Variants in RAD51B observed in about 807,000 individuals in gnomAD.
RAD51B encodes the protein RAD51 paralog B.
In RAD51B, 38 loss-of-function variants were observed where a neutral mutation model predicts 42.2. The observed-to-expected ratio is 0.90, with a 90% CI of 0.70 to 1.18. The LOEUF is 1.18. Among genes scored for constraint, RAD51B ranks in the 50% most tolerant of loss-of-function variants. The pLI, the probability that RAD51B is intolerant of heterozygous loss-of-function variation, is 0.00. For missense variants in RAD51B, 373 were observed against 400.7 expected, an observed-to-expected ratio of 0.93 and a Z score of 0.59; for synonymous variants, 154 against 145.2, an observed-to-expected ratio of 1.06 and a Z score of -0.43.
intron 7 of RAD51B, among the ~76,000 whole-genome samples, chr14:68,248,348 C>G (rs1218851176): frequency 6.6e-6 from 1 of 152,110 alleles, no homozygotes; most frequent in Non-Finnish European, 1.5e-5. Flanking sequence ...TTTTCTCCTT[C>G]ACATCCTAAA....
chr14:67,985,270 G>A (rs886118602), intron 7 of RAD51B, among the ~76,000 whole-genome samples: 1 of 152,132 alleles, frequency 6.6e-6, no homozygotes, highest in Non-Finnish European at 1.5e-5. Context: ...CCATTTGCTA[G>A]TAAATTGCAG....
At chr14:68,499,028 T>C (rs550227415) in intron 10 of RAD51B, among the ~76,000 whole-genome samples, 1 of 152,262 alleles carries the variant, frequency 6.6e-6, no homozygotes, top group South Asian at 2.1e-4. Context: ...AAAAGAGAGT[T>C]GTGCCCCCTT....
intron 8 of RAD51B, among the ~76,000 whole-genome samples, chr14:68,332,599 T>A (rs2082372266): frequency 6.6e-6 from 1 of 152,186 alleles, no homozygotes; most frequent in Non-Finnish European, 1.5e-5. Flanking sequence ...GGGAAGGAGC[T>A]TATAACTATG....
intron 7 of RAD51B, among the ~76,000 whole-genome samples, chr14:68,121,540 T>C (rs2077652264): frequency 6.6e-6 from 1 of 152,164 alleles, no homozygotes; most frequent in South Asian, 2.1e-4. Flanking sequence ...AACAGCTTGC[T>C]TTATAGGGAA....
At chr14:68,514,207 C>T (rs900666189) in intron 10 of RAD51B, among the ~76,000 whole-genome samples, 3 of 152,164 alleles carry the variant, frequency 2.0e-5, no homozygotes, top group African/African-American at 7.2e-5. Flanking sequence ...ATAACATGAT[C>T]CTTTTTTTCT....
At chr14:68,098,127 G>A (rs529753000) in intron 7 of RAD51B, among the ~76,000 whole-genome samples, 77 of 152,254 alleles carry the variant, frequency 5.1e-4, no homozygotes, top group Non-Finnish European at 8.1e-4. Flanking sequence ...TTATCTAGGG[G>A]CTTTCTCTTA....
intron 7 of RAD51B, among the ~76,000 whole-genome samples, chr14:67,953,667 GGAAAA>G (rs2074495454): frequency 6.6e-6 from 1 of 152,030 alleles, no homozygotes; most frequent in African/African-American, 2.4e-5. Flanking sequence ...CAGTGGAGAC[GGAAAA>G]GAAAAGTGAA....
At chr14:68,132,727 C>T (rs372856228) in intron 7 of RAD51B, among the ~76,000 whole-genome samples, 1 of 152,236 alleles carries the variant, frequency 6.6e-6, no homozygotes, top group South Asian at 2.1e-4. Context: ...TTCATCTCTG[C>T]TTCTCTCAGA....
intron 7 of RAD51B, among the ~76,000 whole-genome samples, chr14:68,101,609 A>T (rs555137656): frequency 4.6e-5 from 7 of 152,350 alleles, no homozygotes; most frequent in African/African-American, 1.7e-4. Flanking sequence ...GGTCACACTG[A>T]TGCAAGAGGT....
At position 68,483,769 on chromosome 14, in the gene RAD51B, C is replaced by T. The variant is rs188852984; in HGVS notation, c.1036+15519C>T. Among the ~76,000 whole-genome samples, 25 of 152,340 alleles carry T rather than the reference C, an allele frequency of 1.6e-4. 1 individual carries two copies. Among genetic ancestry groups the T allele is most frequent in the Non-Finnish European group, 2.6e-4 (18 of 68,034 alleles). Reference sequence around the variant, plus strand: ...TGGGCTGCCTCCATGTGTTTTCAGTCAAGTGCTGATGGCAGCCTTGCCTGG... The same window carrying T: ...TGGGCTGCCTCCATGTGTTTTCAGTTAAGTGCTGATGGCAGCCTTGCCTGG... On this transcript the variant is annotated intron_variant, in intron 10 of 10. Transcript: ENST00000487270.
intron 8 of RAD51B, among the ~76,000 whole-genome samples, chr14:68,395,807 T>A (rs1414193743): frequency 6.6e-6 from 1 of 152,240 alleles, no homozygotes; most frequent in East Asian, 1.9e-4. Context: ...GACCAGTGAC[T>A]AAGTGTGTGA....
At chr14:68,174,853 C>A (rs1186555800) in intron 7 of RAD51B, among the ~76,000 whole-genome samples, 1 of 152,176 alleles carries the variant, frequency 6.6e-6, no homozygotes, top group African/African-American at 2.4e-5. Context: ...AAGGACTGAA[C>A]TGCATTACAT....
At chr14:68,119,106 C>G (rs1360166789) in intron 7 of RAD51B, among the ~76,000 whole-genome samples, 1 of 151,668 alleles carries the variant, frequency 6.6e-6, no homozygotes, top group Non-Finnish European at 1.5e-5. Flanking sequence ...GTGCCACTCA[C>G]TAATTTTTCT....
chr14:67,889,046 A>G (rs2043143938), intron 7 of RAD51B, among the ~76,000 whole-genome samples: 1 of 152,160 alleles, frequency 6.6e-6, no homozygotes, highest in African/African-American at 2.4e-5. Flanking sequence ...CAAGTGAGAA[A>G]GGGGCACTGC....
At chr14:68,238,254 A>G (rs1208609821) in intron 7 of RAD51B, among the ~76,000 whole-genome samples, 1 of 152,104 alleles carries the variant, frequency 6.6e-6, no homozygotes, top group Non-Finnish European at 1.5e-5. Context: ...TTGATCAGAA[A>G]CATTTTTCAC....
intron 4 of RAD51B, among the ~76,000 whole-genome samples, chr14:67,854,322 G>A (rs2041915983): frequency 6.6e-6 from 1 of 152,188 alleles, no homozygotes; most frequent in African/African-American, 2.4e-5. Context: ...ATTGTGAATA[G>A]GTAAAATTAA....
At chr14:68,332,741 G>A (rs2082374960) in intron 8 of RAD51B, among the ~76,000 whole-genome samples, 1 of 110,480 alleles carries the variant, frequency 9.1e-6, no homozygotes, top group African/African-American at 3.1e-5. Flanking sequence ...AAACTGAAGT[G>A]CAGAGAGAGA....
chr14:68,330,421 A>AT (rs1304990479), intron 8 of RAD51B, among the ~76,000 whole-genome samples: 5 of 152,220 alleles, frequency 3.3e-5, no homozygotes, highest in Admixed American at 3.3e-4. Context: ...CAAAGGAAGG[A>AT]TTTTTTCAAG....
chr14:68,574,498 A>C (rs1889871789), intron 10 of RAD51B, among the ~76,000 whole-genome samples: 1 of 152,224 alleles, frequency 6.6e-6, no homozygotes, highest in South Asian at 2.1e-4. Flanking sequence ...CAACTGAGAC[A>C]TCTTTGTGGA....
Sources: gnomAD v4.1 joint callset for allele counts (sites outside exome capture counted in the v4.1 genomes callset) on GRCh38, gnomAD v4.1.1 for gene constraint, MANE v1.5 for transcripts, NCBI Gene and HGNC (gene_info 2026-07-23, HGNC 2026-07-21) for gene names.